CD86: variants seen among roughly 807,000 people sequenced by gnomAD.
The protein encoded by CD86 is CD86 molecule, also known as T-lymphocyte activation antigen CD86.
In CD86, 11 loss-of-function variants were observed where a neutral mutation model predicts 32.1. The observed-to-expected ratio is 0.34, with a 90% confidence interval of 0.22 to 0.57. The LOEUF (loss-of-function observed/expected upper bound fraction) is 0.57, where lower values mean the gene tolerates loss of function less well. Among genes scored for constraint, CD86 ranks in the 20% least tolerant of loss-of-function variants. The pLI, the probability that CD86 is intolerant of heterozygous loss-of-function variation, is 0.86. For synonymous variants in CD86, 137 were observed against 135.3 expected (o/e 1.01, Z -0.09); for missense variants, 359 against 398.4 (o/e 0.90, Z 0.84).
At chr3:122,062,489 A>G (rs1487295000) in intron 1 of CD86, among the ~76,000 whole-genome samples, 1 of 152,206 alleles carries the variant, frequency 6.6e-6, no homozygotes, top group Non-Finnish European at 1.5e-5. Flanking sequence ...TTCTGTTCTC[A>G]AGAATTTCAG....
chr3:122,084,058 C>A (rs377272236), intron 1 of CD86, among the ~76,000 whole-genome samples: 4 of 152,166 alleles, frequency 2.6e-5, no homozygotes, highest in African/African-American at 9.7e-5. Flanking sequence ...GAGATCTCTG[C>A]TCATCGCAAG....
intron 1 of CD86, among the ~76,000 whole-genome samples, chr3:122,063,381 A>G (rs1317513772): frequency 6.6e-6 from 1 of 152,200 alleles, no homozygotes; most frequent in Admixed American, 6.5e-5. Context: ...GTGCACCAAA[A>G]TGTTTATTAC....
intron 2 of CD86, among the ~76,000 whole-genome samples, chr3:122,100,398 A>G (rs2072980375): frequency 6.6e-6 from 1 of 152,214 alleles, no homozygotes; most frequent in Non-Finnish European, 1.5e-5. Context: ...AACCTCAGGG[A>G]AACAGTCAAT....
At chr3:122,066,854 C>T (rs1272308854) in intron 1 of CD86, among the ~76,000 whole-genome samples, 2 of 151,826 alleles carry the variant, frequency 1.3e-5, no homozygotes, top group Non-Finnish European at 2.9e-5. Flanking sequence ...GATGAGGAAA[C>T]TGTTATAATG....
intron 5 of CD86, among the ~76,000 whole-genome samples, chr3:122,113,605 G>A (rs1257590827): frequency 6.6e-6 from 1 of 152,090 alleles, no homozygotes; most frequent in African/African-American, 2.4e-5. Flanking sequence ...CTGATAGTTA[G>A]TGATATTGAA....
chr3:122,061,191 C>T (rs758371710), intron 1 of CD86, among the ~76,000 whole-genome samples: 7 of 152,144 alleles, frequency 4.6e-5, no homozygotes, highest in Non-Finnish European at 1.0e-4. Context: ...CTAAAATACT[C>T]AACTACCTAG....
intron 1 of CD86, among the ~76,000 whole-genome samples, chr3:122,077,259 G>A (rs764121023): frequency 2.4e-4 from 37 of 152,146 alleles, no homozygotes; most frequent in Admixed American, 1.6e-3. Flanking sequence ...CACTAGGTTT[G>A]GAGAAATCTA....
intron 1 of CD86, among the ~76,000 whole-genome samples, chr3:122,066,755 T>A (rs1227856361): frequency 6.6e-6 from 1 of 152,128 alleles, no homozygotes; most frequent in Non-Finnish European, 1.5e-5. Flanking sequence ...CTATGCTAAG[T>A]ACCAGGAGTG....
At chr3:122,078,006 G>T (rs2072578798) in intron 1 of CD86, 1 of 985,614 alleles carries the variant, frequency 1.0e-6, no homozygotes, top group Non-Finnish European at 1.2e-6. Flanking sequence ...TATGCATCTG[G>T]TCTCTTTTTG....
At chr3:122,059,228 C>G (rs2072287869) in intron 1 of CD86, among the ~76,000 whole-genome samples, 1 of 152,120 alleles carries the variant, frequency 6.6e-6, no homozygotes. Flanking sequence ...TTGAAATTCT[C>G]ATTGTGGGTC....
intron 6 of CD86, among the ~76,000 whole-genome samples, 161 bp from the exon 7 acceptor site, chr3:122,119,277 G>A (rs980834449): frequency 3.9e-5 from 6 of 151,900 alleles, no homozygotes; most frequent in South Asian, 2.1e-4. Context: ...AGTGTAGACC[G>A]TGGTTCTTTT....
intron 5 of CD86, among the ~76,000 whole-genome samples, chr3:122,116,789 CAAG>C (rs1182118009): frequency 6.6e-6 from 1 of 151,946 alleles, no homozygotes; most frequent in East Asian, 1.9e-4. Context: ...AATCCAGGCA[CAAG>C]AAGAATACAC....
At chr3:122,101,374 G>T (rs767199056) in intron 2 of CD86, among the ~76,000 whole-genome samples, 1 of 151,678 alleles carries the variant, frequency 6.6e-6, no homozygotes, top group African/African-American at 2.4e-5. Flanking sequence ...GGGAGCACTC[G>T]ATGAGTGGAA....
intron 6 of CD86, among the ~76,000 whole-genome samples, 192 bp downstream of exon 6, chr3:122,118,285 C>T (rs529879522): frequency 6.6e-6 from 1 of 152,232 alleles, no homozygotes; most frequent in South Asian, 2.1e-4. Context: ...ATCCAATGCA[C>T]AATGCCCAGA....
intron 5 of CD86, among the ~76,000 whole-genome samples, chr3:122,116,075 T>G (rs868391644): frequency 5.3e-5 from 8 of 152,308 alleles, no homozygotes; most frequent in Middle Eastern, 3.4e-3. Context: ...AGAAAATCTT[T>G]GTAACCTTAA....
At position 122,103,665 on chromosome 3, in the gene CD86, A is replaced by G. The variant is rs146192611; in HGVS notation, c.218A>G (p.Glu73Gly). 71 of 1,614,102 alleles carry G rather than the reference A, an allele frequency of 4.4e-5. No individual in the cohort carries two copies. The African/African-American group carries it at 7.5e-4, about 17-fold the overall frequency. ...LVLNEVYLGKEKFDSVHSKYM... is the reference protein window; with the variant it reads ...LVLNEVYLGKGKFDSVHSKYM... ...CTGAATGAGGTATACTTAGGCAAAG[A>G]GAAATTTGACAGTGTTCATTCCAAG... Residue 73 changes from glutamate to glycine, a missense_variant, in exon 3 of 7, where the codon GAG becomes GGG. Coordinates refer to ENST00000330540, the MANE Select transcript of CD86 (RefSeq NM_175862.5).
chr3:122,077,907 G>A, intron 1 of CD86: 3 of 985,496 alleles, frequency 3.0e-6, no homozygotes, highest in Non-Finnish European at 3.6e-6. Flanking sequence ...TCTACAAGGA[G>A]CCTTAGGAGG....
intron 1 of CD86, among the ~76,000 whole-genome samples, chr3:122,082,679 C>T (rs887681296): frequency 1.3e-5 from 2 of 152,204 alleles, no homozygotes; most frequent in Admixed American, 1.3e-4. Flanking sequence ...CTTCCTCTTA[C>T]ACAGTTGTTA....
chr3:122,114,181 G>A (rs1268433915), intron 5 of CD86, among the ~76,000 whole-genome samples: 1 of 152,082 alleles, frequency 6.6e-6, no homozygotes, highest in African/African-American at 2.4e-5. Flanking sequence ...AACCTGGGAG[G>A]CAGAGGTTGC....
Sources: allele counts gnomAD v4.1 joint callset (sites outside exome capture counted in the v4.1 genomes callset), GRCh38; gene constraint gnomAD v4.1.1; transcripts MANE v1.5; gene names NCBI Gene and HGNC (gene_info 2026-07-23, HGNC 2026-07-21).